Variants in ANKRD17 observed in about 807,000 individuals in gnomAD.
ANKRD17 encodes ankyrin repeat domain 17.
ANKRD17 carries 19 observed loss-of-function variants against 229.7 expected under a neutral mutation model. That is an observed-to-expected ratio of 0.08 (90% confidence interval 0.06 to 0.12). The LOEUF (loss-of-function observed/expected upper bound fraction) is 0.12. Among genes scored for constraint, ANKRD17 ranks in the 10% least tolerant of loss-of-function variants. The probability of loss-of-function intolerance (pLI) is 1.00; values close to 1 mark genes in which losing one functional copy is unlikely to be tolerated. For synonymous variants in ANKRD17, 1,112 were observed against 1,146.1 expected, an observed-to-expected ratio of 0.97 and a Z score of 0.60; for missense variants, 2,176 against 3,176.8, an observed-to-expected ratio of 0.68 and a Z score of 7.57.
At chr4:73,258,057 CTG>C (rs1422082485) in intron 1 of ANKRD17, among the ~76,000 whole-genome samples, 1 of 150,726 alleles carries the variant, frequency 6.6e-6, no homozygotes, top group Non-Finnish European at 1.5e-5. Flanking sequence ...TTCACCAACT[CTG>C]TGAACTCCGT....
At chr4:73,109,872 G>T (rs1725092455) in intron 24 of ANKRD17, among the ~76,000 whole-genome samples, 1 of 151,832 alleles carries the variant, frequency 6.6e-6, no homozygotes, top group Non-Finnish European at 1.5e-5. Flanking sequence ...GTGTTGGCAG[G>T]ATTATTAAAA....
At chr4:73,088,420 T>TG (rs1722426888) in intron 29 of ANKRD17, among the ~76,000 whole-genome samples, 2 of 152,184 alleles carry the variant, frequency 1.3e-5, no homozygotes, top group Non-Finnish European at 2.9e-5. Flanking sequence ...CCTAAAAACC[T>TG]CACCTTTCTT....
intron 7 of ANKRD17, among the ~76,000 whole-genome samples, chr4:73,149,823 C>T (rs1026495617): frequency 7.6e-4 from 115 of 152,070 alleles, no homozygotes; most frequent in African/African-American, 2.4e-3. Flanking sequence ...TATGATCATG[C>T]GACTGCACTC....
At chr4:73,094,374 G>C in intron 27 of ANKRD17, 146 bp from the exon 28 acceptor site, 1 of 720,312 alleles carries the variant, frequency 1.4e-6, no homozygotes, top group East Asian at 2.8e-5. Context: ...TCTTACTCTA[G>C]ATGAACAGAG....
At chr4:73,128,525 TG>T (rs1727773152) in intron 16 of ANKRD17, among the ~76,000 whole-genome samples, 2 of 152,318 alleles carry the variant, frequency 1.3e-5, no homozygotes, top group Admixed American at 1.3e-4. Context: ...ATCAGTAAAA[TG>T]TTTTTTCCAA....
intron 1 of ANKRD17, among the ~76,000 whole-genome samples, chr4:73,194,062 T>C (rs1737509729): frequency 6.6e-6 from 1 of 152,204 alleles, no homozygotes. Context: ...AGCCAGTAGT[T>C]TGTCTTTTTA....
At chr4:73,128,584 T>C (rs1727782455) in intron 16 of ANKRD17, among the ~76,000 whole-genome samples, 1 of 152,320 alleles carries the variant, frequency 6.6e-6, no homozygotes, top group East Asian at 1.9e-4. Context: ...ACCTTTTATA[T>C]TCAAAGCACT....
At chr4:73,148,595 G>A (rs1730599080) in intron 8 of ANKRD17, among the ~76,000 whole-genome samples, 1 of 152,074 alleles carries the variant, frequency 6.6e-6, no homozygotes, top group Admixed American at 6.6e-5. Flanking sequence ...TTCACATATA[G>A]CACATGATGT....
chr4:73,085,667 A>G (rs1323159225), intron 29 of ANKRD17, among the ~76,000 whole-genome samples: 1 of 149,172 alleles, frequency 6.7e-6, no homozygotes, highest in Non-Finnish European at 1.5e-5. Flanking sequence ...TGGGCAACAC[A>G]TCGAGACCCC....
At chr4:73,204,011 T>C (rs1407059798) in intron 1 of ANKRD17, among the ~76,000 whole-genome samples, 2 of 151,904 alleles carry the variant, frequency 1.3e-5, no homozygotes, top group African/African-American at 4.8e-5. Context: ...TGACTTCTTA[T>C]TCAAAAGAAG....
At chr4:73,196,141 T>C (rs1737851510) in intron 1 of ANKRD17, among the ~76,000 whole-genome samples, 3 of 151,244 alleles carry the variant, frequency 2.0e-5, no homozygotes, top group Admixed American at 1.3e-4. Context: ...CTGGGATTAC[T>C]GGTGCCTGCC....
chr4:73,210,505 A>G (rs1353318258), intron 1 of ANKRD17, among the ~76,000 whole-genome samples: 2 of 152,182 alleles, frequency 1.3e-5, no homozygotes, highest in Non-Finnish European at 2.9e-5. Flanking sequence ...TGAACTACAC[A>G]AAACACAGTT....
At chr4:73,081,473 T>A (rs970283013) in intron 30 of ANKRD17, among the ~76,000 whole-genome samples, 1 of 152,172 alleles carries the variant, frequency 6.6e-6, no homozygotes, top group African/African-American at 2.4e-5. Flanking sequence ...GGGCCTATAT[T>A]CCTTTTCATG....
chr4:73,172,908 C>A (rs1414082703), intron 2 of ANKRD17, among the ~76,000 whole-genome samples: 3 of 152,074 alleles, frequency 2.0e-5, no homozygotes, highest in Non-Finnish European at 4.4e-5. Context: ...GTTAACAATA[C>A]AAAACAACTT....
At chr4:73,184,528 C>CAAAAAAAAAAAAAAA (rs776930137) in intron 1 of ANKRD17, among the ~76,000 whole-genome samples, 3 of 29,976 alleles carry the variant, frequency 1.0e-4, no homozygotes, top group African/African-American at 3.9e-4. Flanking sequence ...GACTTCCTCT[C>CAAAAAAAAAAAAAAA]AAAAAAAAAA....
intron 2 of ANKRD17, among the ~76,000 whole-genome samples, chr4:73,167,993 A>G (rs1218513997): frequency 6.6e-6 from 1 of 152,100 alleles, no homozygotes; most frequent in Non-Finnish European, 1.5e-5. Flanking sequence ...TGTACTAAAA[A>G]TACAAAAAAT....
At position 73,101,151 on chromosome 4, in the gene ANKRD17, G is replaced by A. The variant is rs1034674338; in HGVS notation, c.4573+1225C>T. 1.8e-5 allele frequency: 16 copies of A among 904,410 alleles called. 1 individual carries two copies. The highest frequency in any genetic ancestry group is 1.1e-3 in the Middle Eastern group (2 of 1,772). 56.0% of individuals were successfully genotyped at this position (904,410 alleles called of 1,614,324 possible). On this transcript the variant is annotated intron_variant, in intron 25 of 33. Coordinates refer to ENST00000358602, the MANE Select transcript of ANKRD17 (RefSeq NM_032217.5). ...CTTGAGTATCTGAATTTTGGTATCC[G>A]TGAGGGTCCTGGAAACCATCCCCTG... is the stretch of plus-strand genomic sequence containing the variant.
chr4:73,086,920 ATATATATATATAT>A (rs367982201), intron 29 of ANKRD17, among the ~76,000 whole-genome samples: 14 of 10,988 alleles, frequency 1.3e-3, no homozygotes, highest in Admixed American at 6.7e-3. Flanking sequence ...AAAAAAAAAA[ATATATATATATAT>A]ATATATATAT....
At chr4:73,189,707 T>C (rs1736793483) in intron 1 of ANKRD17, among the ~76,000 whole-genome samples, 1 of 152,112 alleles carries the variant, frequency 6.6e-6, no homozygotes, top group Admixed American at 6.5e-5. Flanking sequence ...ATCAACGGAG[T>C]TTCTCTCCTT....
Sources: allele counts gnomAD v4.1 joint callset (sites outside exome capture counted in the v4.1 genomes callset), GRCh38; gene constraint gnomAD v4.1.1; transcripts MANE v1.5; gene names NCBI Gene and HGNC (gene_info 2026-07-23, HGNC 2026-07-21).